Variants in RBM47 observed in about 807,000 individuals in gnomAD.
RBM47 encodes the protein RNA binding motif protein 47.
A neutral mutation model predicts 47.1 loss-of-function variants in RBM47; 21 were observed. The observed-to-expected ratio is 0.45, with a 90% CI of 0.32 to 0.64. The LOEUF is 0.64. Among genes scored for constraint, RBM47 ranks in the 30% least tolerant of loss-of-function variants. The pLI, the probability that RBM47 is intolerant of heterozygous loss-of-function variation, is 0.05. For synonymous variants in RBM47, 375 were observed against 361.7 expected, an observed-to-expected ratio of 1.04 and a Z score of -0.42; for missense variants, 708 against 870.9, an observed-to-expected ratio of 0.81 and a Z score of 2.35.
intron 1 of RBM47, among the ~76,000 whole-genome samples, chr4:40,569,085 T>C (rs1731426166): frequency 6.6e-6 from 1 of 151,838 alleles, no homozygotes; most frequent in South Asian, 2.1e-4. Flanking sequence ...GGGAGGGACA[T>C]TAATCATAGA....
At chr4:40,535,396 G>A (rs1259957048) in intron 2 of RBM47, among the ~76,000 whole-genome samples, 6 of 66,718 alleles carry the variant, frequency 9.0e-5, no homozygotes, top group South Asian at 9.3e-4. Context: ...TTTTTGAGAC[G>A]GAGCCTTGCT....
intron 1 of RBM47, among the ~76,000 whole-genome samples, chr4:40,611,499 G>A (rs1736255853): frequency 6.6e-6 from 1 of 152,070 alleles, no homozygotes; most frequent in Non-Finnish European, 1.5e-5. Flanking sequence ...AGGCCACAAG[G>A]CAGGCAGATC....
chr4:40,459,520 T>C (rs1391362478), intron 3 of RBM47, among the ~76,000 whole-genome samples: 1 of 151,976 alleles, frequency 6.6e-6, no homozygotes. Context: ...GAGCTATGAT[T>C]GTGCCACTGC....
chr4:40,629,358 G>A (rs1738022170), intron 1 of RBM47, 38 bp downstream of exon 1: 1 of 152,094 alleles, frequency 6.6e-6, no homozygotes, highest in Non-Finnish European at 1.5e-5. Flanking sequence ...GTAAGATTAA[G>A]GGACAATAGT....
intron 2 of RBM47, among the ~76,000 whole-genome samples, chr4:40,476,909 A>G (rs993510318): frequency 3.3e-5 from 5 of 152,240 alleles, no homozygotes; most frequent in Non-Finnish European, 7.3e-5. Context: ...GTTAAACCTT[A>G]GTAACTGGAA....
intron 1 of RBM47, among the ~76,000 whole-genome samples, chr4:40,587,105 C>G (rs1733664544): frequency 6.6e-6 from 1 of 152,116 alleles, no homozygotes; most frequent in South Asian, 2.1e-4. Context: ...AGGAGGGGTC[C>G]ACCTGGGGTG....
At chr4:40,497,680 G>A (rs916487202) in intron 2 of RBM47, among the ~76,000 whole-genome samples, 14 of 151,518 alleles carry the variant, frequency 9.2e-5, no homozygotes, top group Non-Finnish European at 1.6e-4. Context: ...TAAATTCAAA[G>A]TAAGCCTCCC....
chr4:40,432,676 G>A lies in RBM47; in HGVS notation c.1517C>T (p.Thr506Ile). The change falls in exon 6 of 7, where the codon ACT (threonine) becomes ATT (isoleucine). Residue 506 changes from threonine to isoleucine, a missense_variant. Transcript: ENST00000295971. ...CTGGAAAGGTGGTGGCGTCGACACA[G>A]TGGGAATGACAGCGGCTGCGGCGGC... ...AAAAAAAVIP[T>I]VSTPPPFQGR... 1 of 1,610,790 alleles carries A rather than the reference G, an allele frequency of 6.2e-7. No homozygotes were observed. Among genetic ancestry groups the A allele is most frequent in the East Asian group, 2.2e-5 (1 of 44,866 alleles).
chr4:40,615,747 C>G (rs1736661478), intron 1 of RBM47, among the ~76,000 whole-genome samples: 1 of 152,050 alleles, frequency 6.6e-6, no homozygotes, highest in Non-Finnish European at 1.5e-5. Flanking sequence ...CGCCACTGCA[C>G]TCCAGCCTGG....
Position 40,598,595 on chromosome 4 carries a change from AGAG to A in RBM47, c.-240+30798_-240+30800del, listed in dbSNP as rs540854447. 1.6e-3 allele frequency among the ~76,000 whole-genome samples: 243 copies of A among 152,284 alleles called. 1 individual carries two copies. Among genetic ancestry groups the A allele is most frequent in the African/African-American group, 5.7e-3 (236 of 41,546 alleles). The stretch of plus-strand genomic sequence containing the variant: ...TGATGCTTTGTCTCAAAAAAAAAGA[AGAG>A]ACAAATAAATAAATAGGTGAATTTT... On this transcript the variant is annotated intron_variant, in intron 1 of 6. Coordinates refer to ENST00000295971, the MANE Select transcript of RBM47 (RefSeq NM_001098634.2).
At chr4:40,427,855 A>G (rs1715280259) in intron 6 of RBM47, among the ~76,000 whole-genome samples, 1 of 151,624 alleles carries the variant, frequency 6.6e-6, no homozygotes, top group Non-Finnish European at 1.5e-5. Context: ...ATTATAATTT[A>G]TAATAATTTT....
At chr4:40,532,498 A>G (rs1447783416) in intron 2 of RBM47, among the ~76,000 whole-genome samples, 1 of 148,984 alleles carries the variant, frequency 6.7e-6, no homozygotes, top group African/African-American at 2.5e-5. Flanking sequence ...ATTTTAGTAG[A>G]GACAGGGTTT....
intron 1 of RBM47, among the ~76,000 whole-genome samples, chr4:40,549,966 A>G (rs1729409009): frequency 6.6e-6 from 1 of 152,140 alleles, no homozygotes; most frequent in African/African-American, 2.4e-5. Context: ...CACCGTGCGC[A>G]GTAATAAATG....
At chr4:40,596,625 T>C (rs908567953) in intron 1 of RBM47, among the ~76,000 whole-genome samples, 6 of 152,308 alleles carry the variant, frequency 3.9e-5, no homozygotes, top group African/African-American at 4.8e-5. Context: ...ACAATGAAAT[T>C]TGACTTTCAT....
chr4:40,589,159 G>T (rs1370687181), intron 1 of RBM47, among the ~76,000 whole-genome samples: 1 of 151,346 alleles, frequency 6.6e-6, no homozygotes, highest in Non-Finnish European at 1.5e-5. Flanking sequence ...GTAGAGATGG[G>T]GTTTCACCAT....
In RBM47 at chr4:40,425,817, G is replaced by C; in HGVS notation, c.*87C>G. On this transcript the variant is annotated 3_prime_UTR_variant, in exon 7 of 7. Transcript: ENST00000295971. The stretch of plus-strand genomic sequence containing the variant: ...CATTCTTCACTTTCAGGTTGCATGT[G>C]TGAATCCAACATGTTCCTTCTTCAT... 1 of 1,501,120 alleles carries C rather than the reference G, an allele frequency of 6.7e-7. No homozygotes were observed. Among genetic ancestry groups the C allele is most frequent in the Non-Finnish European group, 9.0e-7 (1 of 1,105,616 alleles). 93.0% of individuals were successfully genotyped at this position (1,501,120 alleles called of 1,614,324 possible).
chr4:40,482,107 T>C (rs1720518360), intron 2 of RBM47, among the ~76,000 whole-genome samples: 1 of 152,136 alleles, frequency 6.6e-6, no homozygotes, highest in Admixed American at 6.5e-5. Flanking sequence ...AATTACAACA[T>C]ATAGAATACA....
Position 40,425,016 on chromosome 4 carries a change from C to T in RBM47, c.*888G>A, listed in dbSNP as rs1714831201. The T allele has an allele frequency of 6.6e-6, 1 of 152,084 alleles. No individual in the cohort carries two copies. Among genetic ancestry groups the T allele is most frequent in the Admixed American group, 6.6e-5 (1 of 15,262 alleles). 9.4% of individuals were successfully genotyped at this position (152,084 alleles called of 1,614,324 possible). On this transcript the variant is annotated 3_prime_UTR_variant, in exon 7 of 7. Transcript: ENST00000295971. ...ACAAAAAACAACGAAACAACAAACC[C>T]CAACAAAAACCCAGGAAGAAGTATA...
intron 1 of RBM47, among the ~76,000 whole-genome samples, chr4:40,586,574 C>A (rs1290510431): frequency 1.3e-5 from 2 of 150,076 alleles, no homozygotes; most frequent in East Asian, 3.9e-4. Context: ...TTGCATATTC[C>A]GTTCTGGGTT....
Sources: allele counts gnomAD v4.1 joint callset (sites outside exome capture counted in the v4.1 genomes callset), GRCh38; gene constraint gnomAD v4.1.1; transcripts MANE v1.5; gene names NCBI Gene and HGNC (gene_info 2026-07-23, HGNC 2026-07-21).